CELF2: variants seen among roughly 807,000 people sequenced by gnomAD.
The protein encoded by CELF2 is CUGBP Elav-like family member 2.
CELF2 carries 8 observed loss-of-function variants against 62.6 expected under a neutral mutation model. The observed-to-expected ratio is 0.13, with a 90% CI of 0.07 to 0.23. The LOEUF is 0.23. Ranked by LOEUF, CELF2 falls within the 10% of genes least tolerant of loss-of-function variation. CELF2 has a pLI of 1.00. For synonymous variants in CELF2, 258 were observed against 250.0 expected, an observed-to-expected ratio of 1.03 and a Z score of -0.30; for missense variants, 333 against 671.0, an observed-to-expected ratio of 0.50 and a Z score of 5.56.
At chr10:10,701,401 C>G in the CELF2 span, among the ~76,000 whole-genome samples, 2 of 152,210 alleles carry the variant, frequency 1.3e-5, no homozygotes, top group Non-Finnish European at 2.9e-5. Flanking sequence ...GTTCACTTGT[C>G]AGAAAGGGTC....
the CELF2 span, among the ~76,000 whole-genome samples, chr10:10,495,114 A>G: frequency 1.3e-5 from 2 of 148,966 alleles, no homozygotes; most frequent in Non-Finnish European, 2.9e-5. Flanking sequence ...GTCTCTACTA[A>G]AAAAAAAATG....
intron 2 of CELF2, chr10:10,966,874 G>A (rs2050176962): frequency 6.6e-6 from 1 of 152,186 alleles, no homozygotes; most frequent in African/African-American, 2.4e-5. Context: ...CAGCAAATCA[G>A]AAAGTAAAAC....
At chr10:11,312,033 G>C (rs2094585040) in intron 9 of CELF2, among the ~76,000 whole-genome samples, 2 of 152,104 alleles carry the variant, frequency 1.3e-5, no homozygotes, top group Admixed American at 6.5e-5. Flanking sequence ...CCAAAGACAA[G>C]GAGAAGATCT....
the CELF2 span, among the ~76,000 whole-genome samples, chr10:10,648,371 G>GT: frequency 6.6e-6 from 1 of 152,190 alleles, no homozygotes; most frequent in African/African-American, 2.4e-5. Context: ...AGTCCTTGAA[G>GT]TAAGAGATCA....
At chr10:10,584,061 G>A in the CELF2 span, among the ~76,000 whole-genome samples, 1 of 152,258 alleles carries the variant, frequency 6.6e-6, no homozygotes, top group East Asian at 1.9e-4. Flanking sequence ...TTAGGATGTT[G>A]ATAGAGCGAT....
At chr10:11,249,271 C>A in intron 4 of CELF2, 70 bp downstream of exon 4, 2 of 1,240,966 alleles carry the variant, frequency 1.6e-6, no homozygotes, top group Non-Finnish European at 2.4e-6. Context: ...CAGTTGGGGG[C>A]GGGAGAAGCC....
the CELF2 span, among the ~76,000 whole-genome samples, chr10:10,506,370 A>G: frequency 6.6e-6 from 1 of 151,830 alleles, no homozygotes; most frequent in Non-Finnish European, 1.5e-5. Flanking sequence ...TTCTGTCACC[A>G]ACTGGTTCTG....
the CELF2 span, among the ~76,000 whole-genome samples, chr10:10,533,876 C>T: frequency 2.0e-4 from 30 of 151,924 alleles, no homozygotes; most frequent in South Asian, 5.2e-3. Context: ...AAGTCACTGG[C>T]GGATAATATT....
At chr10:11,222,433 A>G (rs1352931726) in intron 3 of CELF2, among the ~76,000 whole-genome samples, 3 of 152,160 alleles carry the variant, frequency 2.0e-5, no homozygotes, top group Non-Finnish European at 4.4e-5. Flanking sequence ...AAGTTAGAGT[A>G]TTTTTTTCTC....
At chr10:10,860,916 A>G (rs920627676) in intron 1 of CELF2, among the ~76,000 whole-genome samples, 1 of 151,890 alleles carries the variant, frequency 6.6e-6, no homozygotes, top group Non-Finnish European at 1.5e-5. Context: ...TTACAAGAGC[A>G]TATTCTTTTT....
At chr10:10,566,740 A>G in the CELF2 span, among the ~76,000 whole-genome samples, 1 of 152,044 alleles carries the variant, frequency 6.6e-6, no homozygotes, top group East Asian at 1.9e-4. Flanking sequence ...ACATATGTAA[A>G]TAGATTAGAG....
the CELF2 span, among the ~76,000 whole-genome samples, chr10:10,614,432 G>T: frequency 1.3e-5 from 2 of 151,984 alleles, no homozygotes; most frequent in African/African-American, 4.8e-5. Context: ...TTCTCCATAG[G>T]AGTTGTTTTT....
chr10:10,992,166 T>A (rs1467583054), intron 2 of CELF2, among the ~76,000 whole-genome samples: 1 of 152,172 alleles, frequency 6.6e-6, no homozygotes, highest in African/African-American at 2.4e-5. Context: ...TTTGCAGAAA[T>A]AAATGTTTAT....
At chr10:11,017,827 G>T (rs2057495251), upstream of CELF2, 1 of 447,188 alleles carries the variant, frequency 2.2e-6, no homozygotes, top group Non-Finnish European at 2.9e-6. This position sits in a 1 kb window ranked among gnomAD's most constrained non-coding sequence, Gnocchi z 5.5. Context: ...CTCTGGGCCG[G>T]CGGGCCCGCA....
At chr10:10,531,673 G>A in the CELF2 span, among the ~76,000 whole-genome samples, 1 of 152,178 alleles carries the variant, frequency 6.6e-6, no homozygotes, top group African/African-American at 2.4e-5. Flanking sequence ...AATTCTGCGG[G>A]AGGAAGAGGT....
rs1437652024 is a variant in CELF2, at chr10:11,156,430, C to G, written c.75-9056C>G. Among the ~76,000 whole-genome samples, 1 of 152,158 alleles carries G rather than the reference C, an allele frequency of 6.6e-6. No individual in the cohort carries two copies. Among genetic ancestry groups the G allele is most frequent in the African/African-American group, 2.4e-5 (1 of 41,428 alleles). On this transcript the variant is annotated intron_variant, in intron 1 of 12. Coordinates refer to ENST00000633077, the MANE Select transcript of CELF2 (RefSeq NM_001326342.2). The surrounding 1 kb of genome is among the most constrained non-coding windows in gnomAD (Gnocchi z 4.3). ...TCCAGACGAGGCCTTCCCTGACCACCTTATTTAATATTGCAGCCCTCTTAT... is the reference window on the plus strand; with the variant it reads ...TCCAGACGAGGCCTTCCCTGACCACGTTATTTAATATTGCAGCCCTCTTAT...
chr10:10,498,274 G>GT, the CELF2 span, among the ~76,000 whole-genome samples: 1 of 152,232 alleles, frequency 6.6e-6, no homozygotes, highest in African/African-American at 2.4e-5. Flanking sequence ...CAGATGACAA[G>GT]TTAGACACTA....
chr10:11,168,418 C>T (rs1421455194), intron 2 of CELF2, among the ~76,000 whole-genome samples: 1 of 152,202 alleles, frequency 6.6e-6, no homozygotes, highest in East Asian at 1.9e-4. Flanking sequence ...GATTACAGCC[C>T]TTAGCCGCTT....
At chr10:11,122,548 G>A (rs993503359) in intron 1 of CELF2, among the ~76,000 whole-genome samples, 2 of 152,162 alleles carry the variant, frequency 1.3e-5, no homozygotes, top group Non-Finnish European at 2.9e-5. Flanking sequence ...GATTCAAAAT[G>A]TCTTGAGGAA....
Sources: allele counts gnomAD v4.1 joint callset (sites outside exome capture counted in the v4.1 genomes callset), GRCh38; gene constraint gnomAD v4.1.1; non-coding constraint Gnocchi (gnomAD v3.1); transcripts MANE v1.5; gene names NCBI Gene and HGNC (gene_info 2026-07-23, HGNC 2026-07-21).